The following CDH13 variants were observed in gnomAD, a reference collection of about 807,000 sequenced individuals.
CDH13 encodes the protein cadherin 13.
CDH13 carries 24 observed loss-of-function variants against 63.8 expected under a neutral mutation model. The observed-to-expected ratio is 0.38, with a 90% CI of 0.27 to 0.53. The LOEUF (loss-of-function observed/expected upper bound fraction) is 0.53. Ranked by LOEUF, CDH13 falls within the 20% of genes least tolerant of loss-of-function variation. The pLI is 0.85. For missense variants in CDH13, 1,049 were observed against 903.1 expected (o/e 1.16, Z -2.07); for synonymous variants, 503 against 355.3 (o/e 1.42, Z -4.67).
At position 83,670,826 on chromosome 16, in the gene CDH13, A is replaced by T; in HGVS notation, c.1138A>T (p.Ile380Phe). 2 of 1,613,980 alleles carry T rather than the reference A, an allele frequency of 1.2e-6. No individual in the cohort carries two copies. The highest frequency in any genetic ancestry group is 1.7e-6 in the Non-Finnish European group (2 of 1,179,860). Reference protein sequence around the residue: ...ATVEEGAVGVIVNLTVEDKDD... With the variant: ...ATVEEGAVGVFVNLTVEDKDD... ...AGTCGAGGAAGGAGCTGTGGGAGTT[A>T]TTGTCAATTTGACAGTTGAAGATAA... The change falls in exon 9 of 14, where the codon ATT (isoleucine) becomes TTT (phenylalanine). Residue 380 changes from isoleucine to phenylalanine, a missense_variant. By Grantham distance (21) the Ile-to-Phe change is conservative. Coordinates refer to ENST00000567109, the MANE Select transcript of CDH13 (RefSeq NM_001257.5).
intron 6 of CDH13, among the ~76,000 whole-genome samples, chr16:83,442,591 A>G (rs909542836): frequency 2.1e-4 from 32 of 152,212 alleles, no homozygotes; most frequent in African/African-American, 7.2e-4. Flanking sequence ...TATAGTCAAT[A>G]CTTCAGCCTT....
At chr16:83,728,158 C>T (rs1910632490) in intron 10 of CDH13, among the ~76,000 whole-genome samples, 1 of 152,152 alleles carries the variant, frequency 6.6e-6, no homozygotes, top group Non-Finnish European at 1.5e-5. Context: ...TTCAGAGCCA[C>T]ACACCACGTC....
chr16:82,998,964 C>T (rs1051149905), intron 2 of CDH13, among the ~76,000 whole-genome samples: 21 of 149,862 alleles, frequency 1.4e-4, no homozygotes, highest in African/African-American at 3.2e-4. Context: ...TGTAATTTTC[C>T]TTACGCACAT....
intron 2 of CDH13, among the ~76,000 whole-genome samples, chr16:82,992,111 A>C (rs1247169610): frequency 6.6e-6 from 1 of 152,216 alleles, no homozygotes; most frequent in African/African-American, 2.4e-5. Flanking sequence ...CATTAAGGAC[A>C]TGACTTCCTC....
At chr16:82,629,504 G>A (rs145515084) in intron 1 of CDH13, among the ~76,000 whole-genome samples, 291 of 152,254 alleles carry the variant, frequency 1.9e-3, no homozygotes, top group African/African-American at 6.5e-3. Context: ...GCCTTGAGTC[G>A]ACGAGCAAAA....
chr16:82,735,293 C>T (rs941770492), intron 1 of CDH13, among the ~76,000 whole-genome samples: 5 of 152,160 alleles, frequency 3.3e-5, no homozygotes, highest in African/African-American at 1.2e-4. Context: ...TAATCACAAA[C>T]GTTCCAATCA....
intron 1 of CDH13, among the ~76,000 whole-genome samples, chr16:82,831,611 C>G (rs961076727): frequency 6.6e-6 from 1 of 152,128 alleles, no homozygotes; most frequent in Admixed American, 6.6e-5. Context: ...GAACCAACAA[C>G]CAAATCAATA....
chr16:83,027,621 A>G (rs1915937117), intron 2 of CDH13, among the ~76,000 whole-genome samples: 1 of 152,196 alleles, frequency 6.6e-6, no homozygotes, highest in Non-Finnish European at 1.5e-5. Flanking sequence ...ATCCATAATT[A>G]TATGAGACTC....
At chr16:83,240,313 A>G (rs1255699860) in intron 5 of CDH13, among the ~76,000 whole-genome samples, 1 of 152,072 alleles carries the variant, frequency 6.6e-6, no homozygotes, top group African/African-American at 2.4e-5. Context: ...GAAACTTTGC[A>G]TGGATTCTGG....
intron 10 of CDH13, among the ~76,000 whole-genome samples, chr16:83,727,452 C>G (rs1350730507): frequency 1.3e-5 from 2 of 151,652 alleles, no homozygotes; most frequent in African/African-American, 2.4e-5. Context: ...GCCCCATCAC[C>G]GAGATTCTCC....
chr16:83,130,747 T>C (rs944720829), intron 4 of CDH13, among the ~76,000 whole-genome samples: 2 of 152,214 alleles, frequency 1.3e-5, no homozygotes, highest in Non-Finnish European at 2.9e-5. Flanking sequence ...GCCTTTTAAA[T>C]CATTTGTCTT....
intron 2 of CDH13, among the ~76,000 whole-genome samples, chr16:82,988,839 G>A (rs2151399913): frequency 6.6e-6 from 1 of 151,972 alleles, no homozygotes; most frequent in East Asian, 1.9e-4. Flanking sequence ...AGGTTGCTGT[G>A]TCCCGCAAGG....
intron 7 of CDH13, among the ~76,000 whole-genome samples, chr16:83,491,770 G>T (rs897455631): frequency 6.6e-6 from 1 of 152,096 alleles, no homozygotes; most frequent in African/African-American, 2.4e-5. Context: ...GCCTGCCCGT[G>T]AAAATGTACA....
intron 7 of CDH13, among the ~76,000 whole-genome samples, chr16:83,599,346 A>T (rs1907566366): frequency 6.6e-6 from 1 of 152,240 alleles, no homozygotes; most frequent in Admixed American, 6.5e-5. Flanking sequence ...TTTAGAGACC[A>T]GCCCTGTCTG....
chr16:83,602,077 T>A, intron 7 of CDH13, among the ~76,000 whole-genome samples: 1 of 58,310 alleles, frequency 1.7e-5, no homozygotes, highest in Non-Finnish European at 3.1e-5. Flanking sequence ...AGTGAGACTC[T>A]GTCTCAAAAA....
chr16:83,072,416 C>T (rs979524268), intron 3 of CDH13, among the ~76,000 whole-genome samples: 1 of 152,152 alleles, frequency 6.6e-6, no homozygotes, highest in Admixed American at 6.5e-5. Flanking sequence ...AGACCATAAA[C>T]ACAATTAGTT....
chr16:83,308,041 C>G (rs559673542), intron 5 of CDH13, among the ~76,000 whole-genome samples: 2 of 152,276 alleles, frequency 1.3e-5, no homozygotes, highest in South Asian at 4.1e-4. Flanking sequence ...TTACCTCAAT[C>G]AGAAGCCAAA....
chr16:82,884,138 T>A (rs990317339), intron 2 of CDH13: 4 of 454,298 alleles, frequency 8.8e-6, no homozygotes, highest in African/African-American at 8.0e-5. Flanking sequence ...CATGTCTGCA[T>A]GCACGCTGTT....
chr16:83,625,236 G>T (rs141366138), intron 8 of CDH13, among the ~76,000 whole-genome samples: 21 of 152,182 alleles, frequency 1.4e-4, no homozygotes, highest in Admixed American at 1.4e-3. Flanking sequence ...CTATGTGTGT[G>T]TGTGTGTAAT....
Sources: gnomAD v4.1 joint callset for allele counts (sites outside exome capture counted in the v4.1 genomes callset) on GRCh38, gnomAD v4.1.1 for gene constraint, MANE v1.5 for transcripts, NCBI Gene and HGNC (gene_info 2026-07-23, HGNC 2026-07-21) for gene names.